Variants in NRXN3 observed in about 807,000 individuals in gnomAD.
The protein encoded by NRXN3 is neurexin 3.
In NRXN3, 32 loss-of-function variants were observed where a neutral mutation model predicts 137.6. The ratio of observed to expected loss-of-function variants is 0.23; its 90% CI spans 0.18 to 0.31. The LOEUF (loss-of-function observed/expected upper bound fraction) is 0.31. Among genes scored for constraint, NRXN3 ranks in the 10% least tolerant of loss-of-function variants. The pLI, the probability that NRXN3 is intolerant of heterozygous loss-of-function variation, is 1.00. For synonymous variants in NRXN3, 798 were observed against 784.5 expected (o/e 1.02, Z -0.29); for missense variants, 1,574 against 2,062.5 (o/e 0.76, Z 4.59).
chr14:79,732,530 A>G (rs1056517180), intron 19 of NRXN3, among the ~76,000 whole-genome samples: 1 of 152,176 alleles, frequency 6.6e-6, no homozygotes, highest in African/African-American at 2.4e-5. Context: ...AACCTAGTTT[A>G]TGAAAGGATA....
chr14:78,911,408 C>T (rs1174273905), intron 10 of NRXN3, among the ~76,000 whole-genome samples: 1 of 152,058 alleles, frequency 6.6e-6, no homozygotes, highest in African/African-American at 2.4e-5. Context: ...GATAAGATGC[C>T]TCATAATAAT....
intron 20 of NRXN3, among the ~76,000 whole-genome samples, chr14:79,833,359 CAAACT>C (rs2099328735): frequency 1.3e-5 from 2 of 152,074 alleles, no homozygotes. Flanking sequence ...TCCAGTGAGC[CAAACT>C]ACAACATTGA....
chr14:79,789,828 A>C (rs1237698668), intron 19 of NRXN3, among the ~76,000 whole-genome samples: 1 of 152,196 alleles, frequency 6.6e-6, no homozygotes, highest in Non-Finnish European at 1.5e-5. Flanking sequence ...CCTGTGACTC[A>C]GAATACCTTA....
At chr14:78,408,313 G>C (rs1172980321) in intron 4 of NRXN3, among the ~76,000 whole-genome samples, 1 of 152,158 alleles carries the variant, frequency 6.6e-6, no homozygotes, top group Non-Finnish European at 1.5e-5. Flanking sequence ...GCTTGGAAGG[G>C]AGGAGAGGCA....
chr14:79,508,389 G>GTTTTTTTTTTTTTTTTTTT (rs1567328889), intron 16 of NRXN3, among the ~76,000 whole-genome samples: 4 of 12,550 alleles, frequency 3.2e-4, no homozygotes, highest in Non-Finnish European at 6.2e-4. Context: ...AACAATAACT[G>GTTTTTTTTTTTTTTTTTTT]ATTTTTTTTT....
chr14:78,967,543 T>C (rs1026534607), intron 13 of NRXN3, 145 bp downstream of exon 13: 39 of 644,722 alleles, frequency 6.0e-5, no homozygotes, highest in Middle Eastern at 8.4e-4. Flanking sequence ...AATTATCCTG[T>C]AATGCAATTT....
intron 15 of NRXN3, among the ~76,000 whole-genome samples, chr14:79,343,963 G>A (rs934271171): frequency 6.6e-6 from 1 of 152,064 alleles, no homozygotes; most frequent in African/African-American, 2.4e-5. Context: ...TTGCCAGAGG[G>A]ATAGCTGATT....
intron 15 of NRXN3, among the ~76,000 whole-genome samples, chr14:79,412,479 G>A (rs1209607597): frequency 6.6e-6 from 1 of 151,744 alleles, no homozygotes; most frequent in African/African-American, 2.4e-5. Flanking sequence ...GAGTGCAAGT[G>A]AATTAAAAAG....
At chr14:78,400,255 C>T (rs1385889095) in intron 4 of NRXN3, among the ~76,000 whole-genome samples, 1 of 152,190 alleles carries the variant, frequency 6.6e-6, no homozygotes, top group East Asian at 1.9e-4. Context: ...TTATTCCCTC[C>T]ATCCATTCCA....
intron 15 of NRXN3, among the ~76,000 whole-genome samples, chr14:79,389,828 CT>C (rs1268693660): frequency 6.6e-6 from 1 of 152,026 alleles, no homozygotes; most frequent in African/African-American, 2.4e-5. Flanking sequence ...CTGACTAGTA[CT>C]AGTGAAAGTC....
intron 4 of NRXN3, among the ~76,000 whole-genome samples, chr14:78,333,562 T>A (rs1285930200): frequency 6.6e-6 from 1 of 152,000 alleles, no homozygotes; most frequent in Non-Finnish European, 1.5e-5. Context: ...ACAAAATAGA[T>A]CCGAGAAAGG....
chr14:78,746,143 G>T (rs1454656113), intron 8 of NRXN3, among the ~76,000 whole-genome samples: 2 of 152,188 alleles, frequency 1.3e-5, no homozygotes, highest in Non-Finnish European at 2.9e-5. Flanking sequence ...ATAGGCCATG[G>T]CTTGCTAGAG....
chr14:79,185,585 C>T (rs1452512642), intron 15 of NRXN3, among the ~76,000 whole-genome samples: 1 of 151,982 alleles, frequency 6.6e-6, no homozygotes, highest in Non-Finnish European at 1.5e-5. Flanking sequence ...CCTGCCTCAG[C>T]CTCCCGAGTA....
rs960906999 is a variant in NRXN3 at position 79,703,240 on chromosome 14, G to A, written c.4014+5303G>A. Among the ~76,000 whole-genome samples, 5 of 152,240 alleles carry A rather than the reference G, an allele frequency of 3.3e-5. No individual in the cohort carries two copies. The South Asian group carries it at 1.0e-3, about 32-fold the overall frequency. On this transcript the variant is annotated intron_variant, in intron 19 of 20. Transcript: ENST00000335750. Reference sequence around the variant, plus strand: ...AGGAAGCCACAATTTCTCATGTTTTGTAAAAATTCTTATAGGCAAAGTACT... The same window carrying A: ...AGGAAGCCACAATTTCTCATGTTTTATAAAAATTCTTATAGGCAAAGTACT...
chr14:78,673,879 G>C (rs1259060700), intron 6 of NRXN3, among the ~76,000 whole-genome samples: 1 of 152,190 alleles, frequency 6.6e-6, no homozygotes, highest in Non-Finnish European at 1.5e-5. Flanking sequence ...TCCGTAGGAA[G>C]TCTTGTCATG....
intron 4 of NRXN3, among the ~76,000 whole-genome samples, chr14:78,305,375 G>A (rs4503718): frequency 0.82 from 125,087 of 152,118 alleles, 52,043 homozygotes; most frequent in African/African-American, 0.96. Context: ...TGGATTGCCT[G>A]GTGTTGACCC....
At position 79,398,446 on chromosome 14, in the gene NRXN3, A is replaced by G. The variant is rs534863546; in HGVS notation, c.3263-68775A>G. 5.3e-5 allele frequency among the ~76,000 whole-genome samples: 8 copies of G among 152,262 alleles called. No individual in the cohort carries two copies. In the South Asian group the frequency reaches 1.0e-3, roughly 20 times the overall value. ...ATGTCTTTCACTAAGACCCAGACAA[A>G]CTAACTCATATGTACTCCACACATC... is the stretch of plus-strand genomic sequence containing the variant. On this transcript the variant is annotated intron_variant, in intron 15 of 20. Coordinates refer to ENST00000335750, the MANE Select transcript of NRXN3 (RefSeq NM_001330195.2).
chr14:79,610,269 T>A (rs1330832394), intron 16 of NRXN3, among the ~76,000 whole-genome samples: 1 of 152,176 alleles, frequency 6.6e-6, no homozygotes, highest in Non-Finnish European at 1.5e-5. Context: ...AAAGAAACAT[T>A]GTTATCTGGG....
intron 1 of NRXN3, among the ~76,000 whole-genome samples, chr14:78,213,778 G>T (rs780594807): frequency 6.6e-6 from 1 of 152,130 alleles, no homozygotes; most frequent in Non-Finnish European, 1.5e-5. Flanking sequence ...GGAGGGCCAG[G>T]CCACCCAGAG....
Sources: allele counts gnomAD v4.1 joint callset (sites outside exome capture counted in the v4.1 genomes callset), GRCh38; gene constraint gnomAD v4.1.1; transcripts MANE v1.5; gene names NCBI Gene and HGNC (gene_info 2026-07-23, HGNC 2026-07-21).